Variants in NF2 observed in about 807,000 individuals in gnomAD.
NF2 encodes the protein NF2, moesin-ezrin-radixin like (MERLIN) tumor suppressor, also known as merlin.
Under a neutral mutation model 83.7 loss-of-function variants are expected in NF2, and 8 were observed. The observed-to-expected ratio is 0.10, with a 90% CI of 0.06 to 0.17. The LOEUF (loss-of-function observed/expected upper bound fraction) is 0.17, where lower values mean the gene tolerates loss of function less well. Among genes scored for constraint, NF2 ranks in the 10% least tolerant of loss-of-function variants. NF2 has a pLI of 1.00. For synonymous variants in NF2, 266 were observed against 269.6 expected, an observed-to-expected ratio of 0.99 and a Z score of 0.13; for missense variants, 533 against 744.4, an observed-to-expected ratio of 0.72 and a Z score of 3.31.
intron 7 of NF2, among the ~76,000 whole-genome samples, chr22:29,659,721 C>T (rs1291211846): frequency 6.6e-6 from 1 of 152,144 alleles, no homozygotes; most frequent in Non-Finnish European, 1.5e-5. Context: ...AGGCAGAAGG[C>T]TGAATCTTTT....
chr22:29,616,181 G>T (rs2065076422), intron 1 of NF2, among the ~76,000 whole-genome samples: 1 of 152,118 alleles, frequency 6.6e-6, no homozygotes, highest in Non-Finnish European at 1.5e-5. Flanking sequence ...GGGGTAGAGG[G>T]TGTGATAGCT....
intron 1 of NF2, among the ~76,000 whole-genome samples, chr22:29,631,569 T>A (rs1793901864): frequency 6.6e-6 from 1 of 152,218 alleles, no homozygotes; most frequent in Non-Finnish European, 1.5e-5. Flanking sequence ...GTCAAATGAC[T>A]GATAGTATGG....
intron 1 of NF2, among the ~76,000 whole-genome samples, chr22:29,622,143 C>T (rs150363857): frequency 6.6e-6 from 1 of 152,350 alleles, no homozygotes; most frequent in Non-Finnish European, 1.5e-5. Flanking sequence ...ATTTGAAGGA[C>T]TTCCTCAACT....
At chr22:29,678,074 G>T (rs746227759) in intron 13 of NF2, 122 bp from the exon 14 acceptor site, 13 of 1,263,298 alleles carry the variant, frequency 1.0e-5, no homozygotes, top group African/African-American at 4.4e-5. Context: ...GGTGGCATTG[G>T]GAGGTGGGAC....
intron 8 of NF2, among the ~76,000 whole-genome samples, chr22:29,664,209 G>A: frequency 6.6e-6 from 1 of 152,122 alleles, no homozygotes; most frequent in East Asian, 1.9e-4. Flanking sequence ...TTGGCCTCAA[G>A]CGATCCTCCT....
intron 13 of NF2, among the ~76,000 whole-genome samples, chr22:29,675,367 A>C (rs182587029): frequency 7.2e-5 from 11 of 152,302 alleles, no homozygotes; most frequent in African/African-American, 2.6e-4. Context: ...GCCGTGCAAG[A>C]ACGAGCAGCC....
chr22:29,610,033 T>TAG (rs3074485), intron 1 of NF2, among the ~76,000 whole-genome samples: 75,308 of 148,100 alleles, frequency 0.51, 20,928 homozygotes, highest in Non-Finnish European at 0.63. Context: ...AATAAATAAT[T>TAG]AGAGAGAGAG....
intron 15 of NF2, chr22:29,682,849 C>T (rs1425044271): frequency 2.7e-6 from 2 of 744,196 alleles, no homozygotes; most frequent in Non-Finnish European, 4.6e-6. Context: ...CCCTCAGCCA[C>T]AGAAACCTGC....
intron 10 of NF2, 67 bp from the exon 11 acceptor site, chr22:29,671,758 TG>T: frequency 6.2e-7 from 1 of 1,609,988 alleles, no homozygotes; most frequent in Non-Finnish European, 8.5e-7. Context: ...GGGGCATCTT[TG>T]GGCCCTTGTG....
chr22:29,689,403 G>A (rs2067348886), intron 15 of NF2, among the ~76,000 whole-genome samples: 1 of 151,946 alleles, frequency 6.6e-6, no homozygotes, highest in African/African-American at 2.4e-5. Context: ...CAGAGGATCT[G>A]CACGTCCTTT....
At chr22:29,682,238 C>T (rs1324802779) in intron 15 of NF2, among the ~76,000 whole-genome samples, 1 of 152,062 alleles carries the variant, frequency 6.6e-6, no homozygotes, top group Non-Finnish European at 1.5e-5. Flanking sequence ...GAAGGGTCCT[C>T]TCATACCAAA....
chr22:29,603,791 A>C lies in NF2; in HGVS notation c.-208A>C. The C allele has an allele frequency of 1.8e-6, 1 of 571,398 alleles. No individual in the cohort carries two copies. The highest frequency in any genetic ancestry group is 2.2e-5 in the South Asian group (1 of 45,652). The allele number at this position is 571,398 out of a possible 1,614,324, so 35.4% of individuals were successfully genotyped here. A position where few individuals can be genotyped will look rare whatever the true frequency, so the allele number is the denominator to read the frequency against. On this transcript the variant is annotated 5_prime_UTR_variant, in exon 1 of 16. Coordinates refer to ENST00000338641, the MANE Select transcript of NF2 (RefSeq NM_000268.4). ...CTCCTGTGCCCTCCCTGCAGCCGTC[A>C]GGGCCCGTCCCCCAACTCCCCTTTC...
intron 4 of NF2, among the ~76,000 whole-genome samples, chr22:29,645,211 G>T (rs1311274607): frequency 1.3e-5 from 2 of 152,150 alleles, no homozygotes; most frequent in Non-Finnish European, 2.9e-5. Flanking sequence ...ATCATTTGAT[G>T]GCTCATGTAA....
intron 1 of NF2, among the ~76,000 whole-genome samples, chr22:29,624,884 T>TCTTTC: frequency 6.7e-6 from 1 of 149,442 alleles, no homozygotes; most frequent in Middle Eastern, 3.4e-3. Context: ...TCTCTCCTCT[T>TCTTTC]TCTGTCTCTC....
In NF2 at chr22:29,604,087, A is replaced by G. The variant is rs563168478; in HGVS notation, c.89A>G (p.Asp30Gly). 6.2e-7 allele frequency: 1 copy of G among 1,607,154 alleles called. No homozygotes were observed. Among genetic ancestry groups the G allele is most frequent in the African/African-American group, 1.3e-5 (1 of 74,980 alleles). ...KTFTVRIVTM[D>G]AEMEFNCEMK... ...TTCACCGTGAGGATCGTCACCATGG[A>G]CGCCGAGATGGAGTTCAATTGCGAG... is the stretch of plus-strand genomic sequence containing the variant. Residue 30 changes from aspartate to glycine, a missense_variant, in exon 1 of 16, where the codon GAC becomes GGC. Physicochemically the swap from Asp to Gly is moderately conservative, Grantham distance 94. Around this residue, in one of 3 missense-constraint regions of NF2, gnomAD observed 326 missense variants for 475.1 expected, o/e 0.69. Coordinates refer to ENST00000338641, the MANE Select transcript of NF2 (RefSeq NM_000268.4).
intron 13 of NF2, among the ~76,000 whole-genome samples, chr22:29,677,950 C>T (rs2067014453): frequency 1.3e-5 from 2 of 148,214 alleles, no homozygotes; most frequent in Non-Finnish European, 3.0e-5. Flanking sequence ...TTCAGCTGAG[C>T]ATGAAGAACG....
chr22:29,688,857 G>C (rs2067330972), intron 15 of NF2, among the ~76,000 whole-genome samples: 1 of 152,168 alleles, frequency 6.6e-6, no homozygotes, highest in Non-Finnish European at 1.5e-5. Context: ...ATGGCATTTG[G>C]GTGCAGCTGT....
intron 1 of NF2, among the ~76,000 whole-genome samples, chr22:29,608,702 A>T (rs982649933): frequency 6.6e-6 from 1 of 151,902 alleles, no homozygotes; most frequent in African/African-American, 2.4e-5. Flanking sequence ...TGTGAAACAC[A>T]TACAAAAAAA....
intron 1 of NF2, among the ~76,000 whole-genome samples, chr22:29,608,608 G>A (rs533302161): frequency 6.6e-6 from 1 of 150,590 alleles, no homozygotes; most frequent in Non-Finnish European, 1.5e-5. Flanking sequence ...GGCGGAGGTT[G>A]TAGTGAGCAG....
Sources: allele counts gnomAD v4.1 joint callset (sites outside exome capture counted in the v4.1 genomes callset), GRCh38; gene constraint gnomAD v4.1.1; regional missense constraint gnomAD v4.1.1; transcripts MANE v1.5; gene names NCBI Gene and HGNC (gene_info 2026-07-23, HGNC 2026-07-21).